Variants in PCDH7 observed in about 807,000 individuals in gnomAD.
PCDH7 encodes the protein protocadherin-7.
Under a neutral mutation model 58.9 loss-of-function variants are expected in PCDH7, and 17 were observed. The observed-to-expected ratio is 0.29, with a 90% CI of 0.20 to 0.43. The LOEUF (loss-of-function observed/expected upper bound fraction) is 0.43, where lower values mean the gene tolerates loss of function less well. Ranked by LOEUF, PCDH7 falls within the 20% of genes least tolerant of loss-of-function variation. PCDH7 has a pLI of 1.00. For missense variants in PCDH7, 1,274 were observed against 1,441.0 expected (o/e 0.88, Z 1.88); for synonymous variants, 664 against 616.4 (o/e 1.08, Z -1.14).
In PCDH7 at chr4:30,727,057, C is replaced by T. The variant is rs999101279; in HGVS notation, c.3174+2461C>T. Among the ~76,000 whole-genome samples the T allele has an allele frequency of 6.6e-5, 10 of 151,882 alleles. No individual in the cohort carries two copies. The South Asian group carries it at 1.2e-3, about 19-fold the overall frequency. ...AAGAAAAAAAGAGAATTCAGGGTTT[C>T]GCGGGAATTTCCTTCTTTTGATAAA... On this transcript the variant is annotated intron_variant, in intron 1 of 1. Coordinates refer to ENST00000361762, the Ensembl canonical transcript of PCDH7.
chr4:30,739,923 A>T (rs1210290787), intron 1 of PCDH7, among the ~76,000 whole-genome samples: 1 of 152,250 alleles, frequency 6.6e-6, no homozygotes, highest in African/African-American at 2.4e-5. Context: ...CAATGATAAT[A>T]TGTAAATACA....
chr4:30,873,834 T>C (rs1043044160), intron 1 of PCDH7, among the ~76,000 whole-genome samples: 5 of 152,024 alleles, frequency 3.3e-5, no homozygotes, highest in African/African-American at 9.6e-5. Flanking sequence ...GAGGCTTTTA[T>C]TTATTTTTAT....
At chr4:30,837,705 C>A (rs1343084630) in intron 1 of PCDH7, among the ~76,000 whole-genome samples, 1 of 151,658 alleles carries the variant, frequency 6.6e-6, no homozygotes, top group African/African-American at 2.4e-5. Context: ...TCTGAAAAGT[C>A]AATGTTTTGT....
chr4:30,891,773 G>GTT (rs554698491), intron 1 of PCDH7, among the ~76,000 whole-genome samples: 278 of 139,160 alleles, frequency 2.0e-3, no homozygotes, highest in African/African-American at 5.1e-3. Context: ...TTGTTTTTTT[G>GTT]TTTTTTTTTT....
chr4:31,048,808 T>G lies in PCDH7; in HGVS notation c.*8-93665T>G, dbSNP rs79507543. On this transcript the variant is annotated intron_variant, in intron 3 of 3. Coordinates refer to the PCDH7 transcript ENST00000509759. The stretch of plus-strand genomic sequence containing the variant: ...GGAAATCGCACTTAACCCACTGCAG[T>G]GTAAGCTCTTCTTCCAAACAATCTG... Among the ~76,000 whole-genome samples the G allele has an allele frequency of 6.6e-5, 10 of 152,186 alleles. No individual in the cohort carries two copies. In the East Asian group the frequency reaches 1.9e-3, roughly 29 times the overall value.
intron 1 of PCDH7, among the ~76,000 whole-genome samples, chr4:30,807,794 A>C (rs1726429595): frequency 6.6e-6 from 1 of 152,118 alleles, no homozygotes; most frequent in African/African-American, 2.4e-5. Context: ...GCACACTTTC[A>C]AAATTCTCAT....
intron 3 of PCDH7, among the ~76,000 whole-genome samples, chr4:30,980,176 A>G (rs1750426542): frequency 6.6e-6 from 1 of 152,206 alleles, no homozygotes; most frequent in African/African-American, 2.4e-5. Context: ...TTCACGTATT[A>G]CAAATCTCAT....
chr4:30,811,233 T>C (rs1027179688), intron 1 of PCDH7, among the ~76,000 whole-genome samples: 1 of 152,104 alleles, frequency 6.6e-6, no homozygotes, highest in Non-Finnish European at 1.5e-5. Flanking sequence ...TTGATAGGAG[T>C]TGGCAAAGAT....
chr4:30,804,760 C>A (rs752146529), intron 1 of PCDH7, among the ~76,000 whole-genome samples: 5 of 152,038 alleles, frequency 3.3e-5, no homozygotes, highest in African/African-American at 4.8e-5. Context: ...ATTATTATAT[C>A]GCCAGAAACA....
chr4:30,814,757 T>C (rs1258114499), intron 1 of PCDH7, among the ~76,000 whole-genome samples: 1 of 152,178 alleles, frequency 6.6e-6, no homozygotes, highest in Admixed American at 6.5e-5. Flanking sequence ...GATGGATTAA[T>C]TAAAGATATT....
chr4:31,091,069 A>G (rs1215685738), intron 3 of PCDH7, among the ~76,000 whole-genome samples: 2 of 151,958 alleles, frequency 1.3e-5, no homozygotes, highest in East Asian at 3.9e-4. Flanking sequence ...AGCCCAGTTC[A>G]TTTTTTAGAC....
chr4:31,067,048 T>C (rs1426339681), intron 3 of PCDH7, among the ~76,000 whole-genome samples: 2 of 151,966 alleles, frequency 1.3e-5, no homozygotes, highest in Non-Finnish European at 2.9e-5. Context: ...TGGGCTTTAT[T>C]CCTTTCATGG....
At chr4:30,779,850 T>C (rs189431595) in intron 1 of PCDH7, among the ~76,000 whole-genome samples, 20 of 152,344 alleles carry the variant, frequency 1.3e-4, no homozygotes, top group Admixed American at 1.2e-3. Context: ...ATGATTGCAA[T>C]TTTAGTGTCA....
intron 3 of PCDH7, among the ~76,000 whole-genome samples, chr4:31,089,604 A>G (rs1390049501): frequency 6.6e-6 from 1 of 152,070 alleles, no homozygotes; most frequent in African/African-American, 2.4e-5. Flanking sequence ...TTAATATTAA[A>G]TTCCCAGTGT....
Position 30,722,932 on chromosome 4 carries a change from G to A in PCDH7, c.1510G>A (p.Val504Ile), listed in dbSNP as rs777288007. ...TGAGGCCACCCGGGAGTTCAACGTGGTCATCGTGGCGGTGGACTCAGGCAG... is the reference window on the plus strand; with the variant it reads ...TGAGGCCACCCGGGAGTTCAACGTGATCATCGTGGCGGTGGACTCAGGCAG... Residue 504 changes from valine to isoleucine, a missense_variant, in exon 1 of 2, where the codon GTC becomes ATC. By Grantham distance (29) the Val-to-Ile change is conservative. Coordinates refer to ENST00000361762, the Ensembl canonical transcript of PCDH7. This position sits in a 1 kb window ranked among gnomAD's most constrained non-coding sequence, Gnocchi z 7.6. 3.1e-5 allele frequency: 50 copies of A among 1,613,574 alleles called. No homozygotes were observed. The highest frequency in any genetic ancestry group is 1.7e-4 in the Admixed American group (10 of 59,992).
At chr4:30,783,793 T>A (rs527365521) in intron 1 of PCDH7, among the ~76,000 whole-genome samples, 1 of 152,212 alleles carries the variant, frequency 6.6e-6, no homozygotes, top group East Asian at 1.9e-4. Flanking sequence ...ATAGCTTTTA[T>A]ATAAGTGAAC....
intron 3 of PCDH7, among the ~76,000 whole-genome samples, chr4:30,991,850 A>T (rs1751489758): frequency 6.6e-6 from 1 of 152,202 alleles, no homozygotes; most frequent in Non-Finnish European, 1.5e-5. Flanking sequence ...GACAGTATTT[A>T]CATATATATA....
intron 3 of PCDH7, among the ~76,000 whole-genome samples, chr4:30,956,172 C>A (rs1305892672): frequency 2.0e-5 from 3 of 151,708 alleles, no homozygotes; most frequent in Non-Finnish European, 2.9e-5. Flanking sequence ...CGAGATCATG[C>A]CACTGCACTC....
In PCDH7 at chr4:30,805,523, A is replaced by G. The variant is rs1044887037; in HGVS notation, c.70+80927A>G. ...GTTCTTGAAACATATTAAGTGCTCA[A>G]TAACTGCTCATTATTAATTGTATTA... On this transcript the variant is annotated intron_variant, in intron 1 of 3. Transcript: ENST00000509759. Among the ~76,000 whole-genome samples, 13 of 152,364 alleles carry G rather than the reference A, an allele frequency of 8.5e-5. No individual in the cohort carries two copies. In the East Asian group the frequency reaches 2.3e-3, roughly 27 times the overall value.
Sources: gnomAD v4.1 joint callset for allele counts (sites outside exome capture counted in the v4.1 genomes callset) on GRCh38, gnomAD v4.1.1 for gene constraint, Gnocchi (gnomAD v3.1) non-coding constraint, MANE v1.5 for transcripts, NCBI Gene and HGNC (gene_info 2026-07-23, HGNC 2026-07-21) for gene names.